ITK: variants seen among roughly 807,000 people sequenced by gnomAD.
The protein encoded by ITK is IL2 inducible T cell kinase.
ITK carries 45 observed loss-of-function variants against 87.6 expected under a neutral mutation model. The ratio of observed to expected loss-of-function variants is 0.51; its 90% CI spans 0.40 to 0.66. The LOEUF (loss-of-function observed/expected upper bound fraction) is 0.66, where lower values mean the gene tolerates loss of function less well. ITK is among the 30% of genes least tolerant of loss of function. ITK has a pLI of 0.00. For missense variants in ITK, 605 were observed against 766.3 expected, an observed-to-expected ratio of 0.79 and a Z score of 2.48; for synonymous variants, 303 against 273.6, an observed-to-expected ratio of 1.11 and a Z score of -1.06.
intron 10 of ITK, chr5:157,240,508 A>G (rs1018670265): frequency 6.9e-6 from 3 of 433,456 alleles, no homozygotes; most frequent in African/African-American, 6.0e-5. Context: ...GCTCTAGAGG[A>G]CAAAGCCAGA....
In ITK at chr5:157,245,796, A is replaced by G; in HGVS notation, c.1514+6A>G. ...TCTGACTTTGGGATGACAAGGTAAA[A>G]GAGGGATGTGGTGCCGGTGAAGTCT... On this transcript the variant is annotated splice_donor_region_variant and intron_variant, in intron 14 of 16. Transcript: ENST00000422843. 2 of 1,614,034 alleles carry G rather than the reference A, an allele frequency of 1.2e-6. No individual in the cohort carries two copies. The highest frequency in any genetic ancestry group is 1.7e-6 in the Non-Finnish European group (2 of 1,179,876).
chr5:157,229,550 C>G (rs1025249663), intron 7 of ITK, among the ~76,000 whole-genome samples: 54 of 151,964 alleles, frequency 3.6e-4, no homozygotes, highest in African/African-American at 1.3e-3. Context: ...AATTAATGTC[C>G]TGGGCTCTTC....
chr5:157,212,405 G>T (rs1375359640), intron 3 of ITK, among the ~76,000 whole-genome samples: 1 of 152,208 alleles, frequency 6.6e-6, no homozygotes, highest in Non-Finnish European at 1.5e-5. Context: ...AATACAAGTT[G>T]TATCTTATCC....
rs1015027854 is a variant in ITK at position 157,253,938 on chromosome 5, T to C, written c.*1260T>C. The stretch of plus-strand genomic sequence containing the variant: ...CTGCAAAATCTCTGTTCACCCTGGG[T>C]TCACATCCCCATGAGGTAATATTAT... On this transcript the variant is annotated 3_prime_UTR_variant, in exon 17 of 17. Coordinates refer to ENST00000422843, the MANE Select transcript of ITK (RefSeq NM_005546.4). 1.8e-5 allele frequency: 4 copies of C among 221,998 alleles called. No homozygotes were observed. Among genetic ancestry groups the C allele is most frequent in the Non-Finnish European group, 3.6e-5 (4 of 111,130 alleles). The allele number at this position is 221,998 out of a possible 1,614,324, so 13.8% of individuals were successfully genotyped here. A position where few individuals can be genotyped will look rare whatever the true frequency, so the allele number is the denominator to read the frequency against.
At chr5:157,248,737 G>GAGGT in intron 15 of ITK, 113 bp from the exon 16 acceptor site, 1 of 1,190,244 alleles carries the variant, frequency 8.4e-7, no homozygotes, top group Non-Finnish European at 1.2e-6. Flanking sequence ...TGCACTTCTG[G>GAGGT]AGGTAGCACA....
At chr5:157,235,355 C>T (rs1371223733) in intron 8 of ITK, among the ~76,000 whole-genome samples, 1 of 152,222 alleles carries the variant, frequency 6.6e-6, no homozygotes, top group Non-Finnish European at 1.5e-5. Context: ...AATGTTGCCT[C>T]CTCCCAGAAG....
At chr5:157,187,831 G>T (rs1293557487) in intron 1 of ITK, among the ~76,000 whole-genome samples, 1 of 150,660 alleles carries the variant, frequency 6.6e-6, no homozygotes, top group Non-Finnish European at 1.5e-5. Context: ...CCAGAACCTT[G>T]CTCTGTTGCC....
At chr5:157,221,339 C>G (rs1238876938) in intron 5 of ITK, among the ~76,000 whole-genome samples, 1 of 152,078 alleles carries the variant, frequency 6.6e-6, no homozygotes, top group Non-Finnish European at 1.5e-5. Flanking sequence ...ATAGTCTTCC[C>G]TCAAAGTACA....
intron 1 of ITK, among the ~76,000 whole-genome samples, chr5:157,186,202 A>G (rs1204504796): frequency 6.6e-6 from 1 of 152,222 alleles, no homozygotes; most frequent in African/African-American, 2.4e-5. Flanking sequence ...TATGCAATAC[A>G]TTCTTGCTCT....
Position 157,185,854 on chromosome 5 carries a change from T to C in ITK, c.138+4739T>C, listed in dbSNP as rs192303753. ...CTGAGACCTGGTCTCAAAAATAAAA[T>C]AAAATAATTAAACATTCCTTCATGA... is the stretch of plus-strand genomic sequence containing the variant. On this transcript the variant is annotated intron_variant, in intron 1 of 16. Transcript: ENST00000422843. 8.0e-4 allele frequency among the ~76,000 whole-genome samples: 121 copies of C among 152,168 alleles called. 1 individual carries two copies. The Middle Eastern group carries it at 0.017, about 21-fold the overall frequency.
At chr5:157,222,486 A>G (rs1754439367) in intron 5 of ITK, among the ~76,000 whole-genome samples, 1 of 152,228 alleles carries the variant, frequency 6.6e-6, no homozygotes, top group Non-Finnish European at 1.5e-5. Context: ...CCGTAGATCT[A>G]GATAAACCCA....
At chr5:157,201,445 G>A (rs920545766) in intron 1 of ITK, among the ~76,000 whole-genome samples, 15 of 151,630 alleles carry the variant, frequency 9.9e-5, no homozygotes, top group South Asian at 2.1e-4. Context: ...TTACAGATGC[G>A]TACCACCATG....
chr5:157,250,626 C>T (rs1319146438), intron 16 of ITK, among the ~76,000 whole-genome samples: 1 of 152,008 alleles, frequency 6.6e-6, no homozygotes, highest in Non-Finnish European at 1.5e-5. Flanking sequence ...AAGCGATCCT[C>T]CTACCTCAGC....
intron 1 of ITK, among the ~76,000 whole-genome samples, chr5:157,204,020 G>A (rs1375863912): frequency 6.6e-6 from 1 of 152,100 alleles, no homozygotes; most frequent in East Asian, 1.9e-4. Context: ...TTGTTTGCTT[G>A]TTTGAAACGG....
intron 8 of ITK, among the ~76,000 whole-genome samples, chr5:157,237,569 T>A (rs775627880): frequency 1.1e-4 from 16 of 152,346 alleles, no homozygotes; most frequent in Non-Finnish European, 2.1e-4. Flanking sequence ...AAGACACTGA[T>A]GAAGTTTTCA....
At chr5:157,212,883 G>C (rs13169434) in intron 3 of ITK, among the ~76,000 whole-genome samples, 32 of 151,962 alleles carry the variant, frequency 2.1e-4, no homozygotes, top group Admixed American at 5.2e-4. Context: ...GAATCAAAAG[G>C]GCCCCAGCTA....
intron 1 of ITK, among the ~76,000 whole-genome samples, chr5:157,192,123 A>G (rs1753763661): frequency 6.6e-6 from 1 of 152,190 alleles, no homozygotes; most frequent in Admixed American, 6.5e-5. Flanking sequence ...TTTTAGTGAG[A>G]GAGAGGGGAA....
intron 16 of ITK, among the ~76,000 whole-genome samples, chr5:157,251,613 T>C (rs1755139513): frequency 6.6e-6 from 1 of 152,222 alleles, no homozygotes; most frequent in South Asian, 2.1e-4. Context: ...TTACTTTTTA[T>C]TTTATGGAAG....
intron 1 of ITK, chr5:157,195,050 G>A (rs1753825801): frequency 6.6e-6 from 1 of 152,238 alleles, no homozygotes; most frequent in African/African-American, 2.4e-5. Flanking sequence ...ATATTGGGTT[G>A]CTGCAAAAGT....
Sources: gnomAD v4.1 joint callset for allele counts (sites outside exome capture counted in the v4.1 genomes callset) on GRCh38, gnomAD v4.1.1 for gene constraint, MANE v1.5 for transcripts, NCBI Gene and HGNC (gene_info 2026-07-23, HGNC 2026-07-21) for gene names.